Variants in NLRP14 observed in about 807,000 individuals in gnomAD.
The protein encoded by NLRP14 is NLR family pyrin domain containing 14.
Under a neutral mutation model 94.7 loss-of-function variants are expected in NLRP14, and 105 were observed. The ratio of observed to expected loss-of-function variants is 1.11; its 90% CI spans 0.95 to 1.30. The LOEUF (loss-of-function observed/expected upper bound fraction) is 1.30, where lower values mean the gene tolerates loss of function less well. Among genes scored for constraint, NLRP14 ranks in the 50% most tolerant of loss-of-function variants. The probability of loss-of-function intolerance (pLI) is 0.00; values close to 1 mark genes in which losing one functional copy is unlikely to be tolerated. For synonymous variants in NLRP14, 508 were observed against 459.9 expected, an observed-to-expected ratio of 1.10 and a Z score of -1.34; for missense variants, 1,362 against 1,254.1, an observed-to-expected ratio of 1.09 and a Z score of -1.30.
At chr11:7,060,231 T>C (rs1852595621) in intron 9 of NLRP14, among the ~76,000 whole-genome samples, 167 bp downstream of exon 9, 1 of 151,946 alleles carries the variant, frequency 6.6e-6, no homozygotes, top group South Asian at 2.1e-4. Flanking sequence ...TCATCAGATT[T>C]CTAAAAATAA....
the NLRP14 span, chr11:7,088,989 C>A: frequency 2.8e-5 from 30 of 1,078,302 alleles, no homozygotes; most frequent in Non-Finnish European, 3.7e-5. Flanking sequence ...GCTCCGGCTG[C>A]GGTTCCGTGG....
chr11:7,031,690 C>T (rs1010567878), intron 1 of NLRP14, among the ~76,000 whole-genome samples: 3 of 152,160 alleles, frequency 2.0e-5, no homozygotes, highest in Non-Finnish European at 4.4e-5. Flanking sequence ...GTTCGTCCTT[C>T]AGTCTGAAGC....
the NLRP14 span, chr11:7,090,168 C>T: frequency 6.2e-7 from 1 of 1,613,858 alleles, no homozygotes; most frequent in Non-Finnish European, 8.5e-7. Context: ...AGATCGTGGG[C>T]TCTCTCTGTC....
At chr11:7,074,653 T>C (rs1352168879), downstream of NLRP14, among the ~76,000 whole-genome samples, 1 of 152,196 alleles carries the variant, frequency 6.6e-6, no homozygotes, top group Non-Finnish European at 1.5e-5. Context: ...TGAAAACTAT[T>C]GATAATAGAA....
At chr11:7,047,453 A>G (rs1565018956) in intron 5 of NLRP14, among the ~76,000 whole-genome samples, 2 of 151,710 alleles carry the variant, frequency 1.3e-5, no homozygotes, top group East Asian at 1.9e-4. Flanking sequence ...ACAGGCATGT[A>G]CCACCATGCC....
chr11:7,083,474 C>T, the NLRP14 span, among the ~76,000 whole-genome samples: 1,082 of 152,320 alleles, frequency 7.1e-3, 10 homozygotes, highest in Non-Finnish European at 0.012. Context: ...GCATCTATCA[C>T]ATGGTAAGGA....
At chr11:7,056,092 C>T (rs1852511106) in intron 6 of NLRP14, among the ~76,000 whole-genome samples, 1 of 151,940 alleles carries the variant, frequency 6.6e-6, no homozygotes, top group South Asian at 2.1e-4. Context: ...AACCTCCAAA[C>T]TCTAGAAAAC....
chr11:7,022,533 G>A (rs1040321045), intron 1 of NLRP14, among the ~76,000 whole-genome samples: 2 of 152,210 alleles, frequency 1.3e-5, no homozygotes, highest in Non-Finnish European at 2.9e-5. Flanking sequence ...TAGGGGCCAA[G>A]ATCCTGATGA....
chr11:7,057,681 G>T lies in NLRP14; in HGVS notation c.2296G>T (p.Glu766Ter). ...CTTTTCTGTGTTGTTTTCCAGGCTG[G>T]AATCTTGCAACCTAACTGTATTTTG... ...PECKLQTLRL[E>*]SCNLTVFCCL... The change falls in exon 7 of 12, where the codon GAA (glutamate) becomes TAA (stop). Residue 766 changes from glutamate to a stop codon, truncating the protein, a stop_gained. Coordinates refer to ENST00000299481, the MANE Select transcript of NLRP14 (RefSeq NM_176822.4). LOFTEE classifies it high-confidence loss of function. The T allele has an allele frequency of 6.2e-7, 1 of 1,612,182 alleles. No individual in the cohort carries two copies. Among genetic ancestry groups the T allele is most frequent in the Non-Finnish European group, 8.5e-7 (1 of 1,178,648 alleles).
chr11:7,084,806 A>G, the NLRP14 span, among the ~76,000 whole-genome samples: 1 of 152,238 alleles, frequency 6.6e-6, no homozygotes, highest in African/African-American at 2.4e-5. Context: ...GGAATCCCCA[A>G]TTTGTAGCCA....
intron 9 of NLRP14, among the ~76,000 whole-genome samples, chr11:7,060,725 C>G (rs10743004): frequency 0.94 from 142,721 of 152,062 alleles, 67,664 homozygotes; most frequent in East Asian, 1. Flanking sequence ...TGTTTTCTCA[C>G]TCTATGAGCA....
rs557164623 is a variant in NLRP14, at chr11:7,042,623, T to C, written c.597T>C (p.Asp199=). The C allele has an allele frequency of 6.2e-7, 1 of 1,614,240 alleles. No homozygotes were observed. The highest frequency in any genetic ancestry group is 8.5e-7 in the Non-Finnish European group (1 of 1,180,038). The stretch of plus-strand genomic sequence containing the variant: ...CCTTGGTGAGAAAGGCAATGTTAGA[T>C]TGGGCAGAGGGCAGTCTCTACCAGC... ...KTTLVRKAML[D]WAEGSLYQQR... The change falls in exon 4 of 12, where the codon GAT becomes GAC. Residue 199 remains aspartate (D), a synonymous_variant. Transcript: ENST00000299481.
At position 7,043,226 on chromosome 11, in the gene NLRP14, T is replaced by C. The variant is rs76429148; in HGVS notation, c.1200T>C (p.Phe400=). 0.039 allele frequency: 63,005 copies of C among 1,614,092 alleles called. 1,734 individuals are homozygous for C. The highest frequency in any genetic ancestry group is 0.14 in the African/African-American group (10,578 of 75,008). ...TLTCQTTTAL[F]TCYISSLFTP... ...CCTGCCAAACAACCACAGCTCTGTTTACCTGCTATATTTCTAGCTTGTTCA... is the reference window on the plus strand; with the variant it reads ...CCTGCCAAACAACCACAGCTCTGTTCACCTGCTATATTTCTAGCTTGTTCA... Residue 400 remains phenylalanine (F), a synonymous_variant, in exon 4 of 12, where the codon TTT becomes TTC. Coordinates refer to ENST00000299481, the MANE Select transcript of NLRP14 (RefSeq NM_176822.4).
At chr11:7,046,128 G>A (rs1220369908) in intron 4 of NLRP14, among the ~76,000 whole-genome samples, 1 of 152,094 alleles carries the variant, frequency 6.6e-6, no homozygotes, top group East Asian at 1.9e-4. Context: ...CCTTTAAAAT[G>A]CACTATTAAA....
rs777226821 is a variant in NLRP14 at position 7,043,442 on chromosome 11, T to C, written c.1416T>C (p.Tyr472=). The stretch of plus-strand genomic sequence containing the variant: ...ATATTATTCAGAAGGACGCAGAGTA[T>C]GAAAACTGCTATGTGTTCACCCACC... The part of the protein sequence containing the change: ...DSNIIQKDAE[Y]ENCYVFTHLH... Residue 472 remains tyrosine (Y), a synonymous_variant, in exon 4 of 12, where the codon TAT becomes TAC. Transcript: ENST00000299481. 23 of 1,614,088 alleles carry C rather than the reference T, an allele frequency of 1.4e-5. No individual in the cohort carries two copies. In the South Asian group the frequency reaches 1.4e-4, roughly 10 times the overall value.
chr11:7,077,950 G>C, the NLRP14 span, among the ~76,000 whole-genome samples: 1 of 152,092 alleles, frequency 6.6e-6, no homozygotes, highest in Non-Finnish European at 1.5e-5. Flanking sequence ...TCTGGAGGTG[G>C]GGTGGGGGGG....
At chr11:7,072,560 T>G (rs188132549), downstream of NLRP14, among the ~76,000 whole-genome samples, 29 of 152,352 alleles carry the variant, frequency 1.9e-4, 1 homozygote, top group African/African-American at 6.5e-4. Flanking sequence ...TTCTCCCCTG[T>G]TGATCCCTCC....
intron 8 of NLRP14, among the ~76,000 whole-genome samples, chr11:7,059,038 C>G (rs959570999): frequency 4.6e-5 from 7 of 151,772 alleles, no homozygotes; most frequent in African/African-American, 1.7e-4. Context: ...TCTTTTTGAT[C>G]TGTATTAATT....
At position 7,043,196 on chromosome 11, in the gene NLRP14, A is replaced by G. The variant is rs1321728315; in HGVS notation, c.1170A>G (p.Thr390=). ...KQQMEKGGDV[T]LTCQTTTALF... Reference sequence around the variant, plus strand: ...AAATGGAGAAGGGTGGTGATGTCACATTGACCTGCCAAACAACCACAGCTC... The same window carrying G: ...AAATGGAGAAGGGTGGTGATGTCACGTTGACCTGCCAAACAACCACAGCTC... Residue 390 remains threonine (T), a synonymous_variant, in exon 4 of 12, where the codon ACA becomes ACG. Transcript: ENST00000299481. The G allele has an allele frequency of 2.5e-6, 4 of 1,614,174 alleles. No individual in the cohort carries two copies. Among genetic ancestry groups the G allele is most frequent in the African/African-American group, 1.3e-5 (1 of 75,046 alleles).
Sources: gnomAD v4.1 joint callset for allele counts (sites outside exome capture counted in the v4.1 genomes callset) on GRCh38, gnomAD v4.1.1 for gene constraint, MANE v1.5 for transcripts, NCBI Gene and HGNC (gene_info 2026-07-23, HGNC 2026-07-21) for gene names.